Variants in LAMA2 observed in about 807,000 individuals in gnomAD.
LAMA2 encodes laminin subunit alpha 2, also known as laminin subunit alpha-2.
LAMA2 carries 269 observed loss-of-function variants against 364.8 expected under a neutral mutation model. The observed-to-expected ratio is 0.74, with a 90% CI of 0.67 to 0.82. The LOEUF is 0.82. LAMA2 is among the 40% of genes least tolerant of loss of function. LAMA2 has a pLI of 0.00. For synonymous variants in LAMA2, 1,379 were observed against 1,370.6 expected (o/e 1.01, Z -0.14); for missense variants, 3,807 against 3,873.2 (o/e 0.98, Z 0.45).
intron 40 of LAMA2, among the ~76,000 whole-genome samples, chr6:129,426,568 A>T (rs1781336914): frequency 6.6e-6 from 1 of 152,234 alleles, no homozygotes; most frequent in East Asian, 1.9e-4. Flanking sequence ...AGCAGAAAAC[A>T]TCATCAGTTT....
At chr6:128,914,064 A>AT (rs561701082) in intron 1 of LAMA2, among the ~76,000 whole-genome samples, 1 of 152,130 alleles carries the variant, frequency 6.6e-6, no homozygotes, top group Non-Finnish European at 1.5e-5. Flanking sequence ...TCCCTTATCC[A>AT]TTTTTTTCCT....
intron 1 of LAMA2, among the ~76,000 whole-genome samples, chr6:128,951,545 C>T (rs1015136851): frequency 6.6e-6 from 1 of 152,140 alleles, no homozygotes; most frequent in African/African-American, 2.4e-5. Flanking sequence ...ACTTATCAAG[C>T]CAGTCCACTG....
rs752801133 is a variant in LAMA2 at position 129,315,588 on chromosome 6, T to C, written c.3668T>C (p.Leu1223Pro). ...CCAGAGATTGTTGCCCACATGGACCTGATGAGAGAAGATCTCCATTTGGAA... is the reference window on the plus strand; with the variant it reads ...CCAGAGATTGTTGCCCACATGGACCCGATGAGAGAAGATCTCCATTTGGAA... Reference protein sequence around the residue: ...QHPEIVAHMDLMREDLHLEPF... With the variant: ...QHPEIVAHMDPMREDLHLEPF... The change falls in exon 25 of 65, where the codon CTG becomes CCG. Residue 1223 changes from leucine (L) to proline (P), a missense_variant. Physicochemically the swap from Leu to Pro is moderately conservative, Grantham distance 98. Coordinates refer to ENST00000421865, the MANE Select transcript of LAMA2 (RefSeq NM_000426.4). The C allele has an allele frequency of 1.2e-6, 2 of 1,614,198 alleles. No homozygotes were observed. Among genetic ancestry groups the C allele is most frequent in the South Asian group, 2.2e-5 (2 of 91,082 alleles).
intron 7 of LAMA2, among the ~76,000 whole-genome samples, chr6:129,152,507 A>T (rs962947218): frequency 2.0e-5 from 3 of 152,216 alleles, no homozygotes; most frequent in Non-Finnish European, 2.9e-5. Context: ...GCATATTATC[A>T]TGATCCTCGT....
chr6:129,409,249 T>C (rs1780401588), intron 40 of LAMA2, among the ~76,000 whole-genome samples: 1 of 152,294 alleles, frequency 6.6e-6, no homozygotes, highest in South Asian at 2.1e-4. Context: ...CTGCATATCT[T>C]GCAGAATCAT....
In LAMA2 at chr6:129,465,368, G is replaced by C. The variant is rs542049700; in HGVS notation, c.7300+79G>C. ...GCACATGTACCTGATCAAGAGGAAG[G>C]CTCCGTCTATAATTTTAGCTACTCA... On this transcript the variant is annotated intron_variant, in intron 51 of 64. Transcript: ENST00000421865. 1.2e-4 allele frequency: 143 copies of C among 1,229,068 alleles called. 1 individual carries two copies. Among genetic ancestry groups the C allele is most frequent in the South Asian group, 4.2e-4 (35 of 82,694 alleles). 76.1% of individuals were successfully genotyped at this position (1,229,068 alleles called of 1,614,324 possible).
At chr6:128,885,477 G>T (rs1425360877) in intron 1 of LAMA2, among the ~76,000 whole-genome samples, 1 of 151,984 alleles carries the variant, frequency 6.6e-6, no homozygotes, top group African/African-American at 2.4e-5. Flanking sequence ...CTTTTTTATG[G>T]TTCCAAGGTT....
rs993652081 is a variant in LAMA2 at position 129,309,902 on chromosome 6, A to ATTTTTTTTTTTTTTTTT, written c.3175-2944_3175-2943insTTTTTTTTTTTTTTTTT. On this transcript the variant is annotated intron_variant, in intron 22 of 64. Transcript: ENST00000421865. The stretch of plus-strand genomic sequence containing the variant: ...AGAAATAAAGCTAATCCTGATAATC[A>ATTTTTTTTTTTTTTTTT]TTTTTTTTTTTTTTTGAGACGGAGT... Among the ~76,000 whole-genome samples the ATTTTTTTTTTTTTTTTT allele has an allele frequency of 6.6e-5, 9 of 135,786 alleles. 1 individual carries two copies. Among genetic ancestry groups the ATTTTTTTTTTTTTTTTT allele is most frequent in the African/African-American group, 2.3e-4 (8 of 35,348 alleles). The allele number at this position is 135,786 out of a possible 152,430, so 89.1% of individuals were successfully genotyped here. A position where few individuals can be genotyped will look rare whatever the true frequency, so the allele number is the denominator to read the frequency against.
chr6:129,373,596 A>G (rs915374757), intron 34 of LAMA2, among the ~76,000 whole-genome samples: 3 of 152,180 alleles, frequency 2.0e-5, no homozygotes, highest in African/African-American at 7.2e-5. Flanking sequence ...CCCATGCAGG[A>G]TACTACATTA....
chr6:128,910,643 A>AGTCGTTCTCCGTCTAGC (rs1380851053), intron 1 of LAMA2, among the ~76,000 whole-genome samples: 3 of 152,216 alleles, frequency 2.0e-5, no homozygotes, highest in Admixed American at 2.0e-4. Context: ...AGCTCGTCAA[A>AGTCGTTCTCCGTCTAGC]GTCGTTCTCC....
rs540763263 is a variant in LAMA2 at position 129,241,689 on chromosome 6, A to G, written c.1783-8423A>G. On this transcript the variant is annotated intron_variant, in intron 12 of 64. Transcript: ENST00000421865. ...GCTTAATTTTTTGTGTGATTTATATATGACTCCAATATTAACAGACATGTC... is the reference window on the plus strand; with the variant it reads ...GCTTAATTTTTTGTGTGATTTATATGTGACTCCAATATTAACAGACATGTC... 7.9e-4 allele frequency among the ~76,000 whole-genome samples: 120 copies of G among 152,288 alleles called. 1 individual carries two copies. The Middle Eastern group carries it at 0.027, about 35-fold the overall frequency.
rs1263885360 is a variant in LAMA2 at position 129,503,252 on chromosome 6, C to T, written c.8519C>T (p.Thr2840Ile). The stretch of plus-strand genomic sequence containing the variant: ...GGGGACACCCACACCATGATCCCCA[C>T]CAAAATCAATGATGGCCAGTGGCAC... ...GSGDTHTMIP[T>I]KINDGQWHKI... The change falls in exon 60 of 65, where the codon ACC becomes ATC. Residue 2840 changes from threonine to isoleucine, a missense_variant. Physicochemically the swap from Thr to Ile is moderately conservative, Grantham distance 89 (BLOSUM62 -1). Transcript: ENST00000421865. 3 of 1,614,010 alleles carry T rather than the reference C, an allele frequency of 1.9e-6. No homozygotes were observed. Among genetic ancestry groups the T allele is most frequent in the Non-Finnish European group, 2.5e-6 (3 of 1,179,990 alleles).
chr6:129,241,819 G>A (rs747135349), intron 12 of LAMA2, among the ~76,000 whole-genome samples: 22 of 152,084 alleles, frequency 1.4e-4, no homozygotes, highest in Non-Finnish European at 2.8e-4. Flanking sequence ...AGTATCCATT[G>A]CACCTTTGGG....
At chr6:129,379,980 T>A (rs2114647670) in intron 34 of LAMA2, among the ~76,000 whole-genome samples, 1 of 152,292 alleles carries the variant, frequency 6.6e-6, no homozygotes. Flanking sequence ...TGCCAGACAC[T>A]ATGCTTGGCA....
chr6:129,008,091 C>G (rs1042614306), intron 1 of LAMA2, among the ~76,000 whole-genome samples: 2 of 152,190 alleles, frequency 1.3e-5, no homozygotes, highest in African/African-American at 4.8e-5. Context: ...GGGTAGTTCA[C>G]TATTGAAATC....
At chr6:129,146,371 T>C (rs1583131855) in intron 5 of LAMA2, among the ~76,000 whole-genome samples, 1 of 152,030 alleles carries the variant, frequency 6.6e-6, no homozygotes, top group African/African-American at 2.4e-5. Flanking sequence ...TAACTTCATA[T>C]ACAAAGGTAA....
chr6:129,372,892 A>G (rs1236689057), intron 34 of LAMA2, among the ~76,000 whole-genome samples: 1 of 152,198 alleles, frequency 6.6e-6, no homozygotes. Context: ...TTCCTTAATG[A>G]CATATGATGT....
At chr6:129,266,129 TATG>T (rs1787494660) in intron 15 of LAMA2, among the ~76,000 whole-genome samples, 2 of 152,248 alleles carry the variant, frequency 1.3e-5, no homozygotes, top group Middle Eastern at 3.4e-3. Flanking sequence ...TTTCATGATA[TATG>T]ATGTTGTACT....
chr6:129,045,953 A>G lies in LAMA2; in HGVS notation c.113-3965A>G, dbSNP rs12208614. Among the ~76,000 whole-genome samples the G allele has an allele frequency of 1.1e-3, 174 of 152,318 alleles. 1 individual carries two copies. The highest frequency in any genetic ancestry group is 2.1e-3 in the Non-Finnish European group (143 of 68,018). ...GAGGAGGCAAAAATCCGAGAGAAAA[A>G]GTGACAATGCCCTGGTGAAGTTTTA... On this transcript the variant is annotated intron_variant, in intron 1 of 64. Coordinates refer to ENST00000421865, the MANE Select transcript of LAMA2 (RefSeq NM_000426.4).
Sources: gnomAD v4.1 joint callset for allele counts (sites outside exome capture counted in the v4.1 genomes callset) on GRCh38, gnomAD v4.1.1 for gene constraint, MANE v1.5 for transcripts, NCBI Gene and HGNC (gene_info 2026-07-23, HGNC 2026-07-21) for gene names.